NOP53: variants seen among roughly 807,000 people sequenced by gnomAD.
NOP53 encodes ribosome biogenesis protein NOP53.
Under a neutral mutation model 61.0 loss-of-function variants are expected in NOP53, and 40 were observed. That is an observed-to-expected ratio of 0.66 (90% CI 0.51 to 0.85). The LOEUF (loss-of-function observed/expected upper bound fraction) is 0.85. NOP53 is among the 40% of genes least tolerant of loss of function. The pLI, the probability that NOP53 is intolerant of heterozygous loss-of-function variation, is 0.00. For synonymous variants in NOP53, 308 were observed against 289.5 expected, an observed-to-expected ratio of 1.06 and a Z score of -0.65; for missense variants, 689 against 652.9, an observed-to-expected ratio of 1.06 and a Z score of -0.60.
intron 9 of NOP53, 62 bp downstream of exon 9, chr19:47,755,585 C>T (rs1967185289): frequency 7.0e-7 from 1 of 1,432,972 alleles, no homozygotes; most frequent in Non-Finnish European, 9.3e-7. Flanking sequence ...CAGGTCCTGA[C>T]ACCTTCCTGC....
chr19:47,751,475 T>G, intron 4 of NOP53, 45 bp from the exon 5 acceptor site: 1 of 1,494,694 alleles, frequency 6.7e-7, no homozygotes. Flanking sequence ...TGGTGCCTCT[T>G]CCATGCTGGG....
At chr19:47,756,809 T>A (rs1967207159) in intron 12 of NOP53, 65 bp downstream of exon 12, 3 of 1,566,044 alleles carry the variant, frequency 1.9e-6, no homozygotes, top group Non-Finnish European at 2.6e-6. Flanking sequence ...GCCCACCGAG[T>A]CCCAGGGCCC....
intron 2 of NOP53, among the ~76,000 whole-genome samples, chr19:47,747,368 G>A (rs1003101745): frequency 1.3e-5 from 2 of 152,160 alleles, no homozygotes; most frequent in South Asian, 2.1e-4. Context: ...CCTGCCGGTT[G>A]CGGTGAGTCA....
In NOP53 at chr19:47,745,667, G is replaced by A. The variant is rs3181870; in HGVS notation, c.108G>A (p.Arg36=). 0.024 allele frequency: 38,261 copies of A among 1,613,502 alleles called. 651 individuals are homozygous for A. The highest frequency in any genetic ancestry group is 0.025 in the Non-Finnish European group (29,493 of 1,179,748). Residue 36 remains arginine (R), a synonymous_variant, in exon 1 of 13, where the codon CGG becomes CGA. Transcript: ENST00000246802. ...CTTCGGTGGACCCAGCGCTGAGGCG[G>A]CGGCGGCGAGGCCCAAGAAATAAGA... ...RPTSVDPALR[R]RRRGPRNKKR...
chr19:47,755,133 G>T (rs1045134400), intron 8 of NOP53, among the ~76,000 whole-genome samples: 6 of 152,120 alleles, frequency 3.9e-5, no homozygotes, highest in African/African-American at 1.2e-4. Flanking sequence ...GGGGTGGGGG[G>T]AGGTTTCTGC....
rs771284064 is a variant in NOP53, at chr19:47,754,821, C to G, written c.983C>G (p.Pro328Arg). The change falls in exon 8 of 13, where the codon CCC becomes CGC. Residue 328 changes from proline to arginine, a missense_variant. By Grantham distance (103) the Pro-to-Arg change is moderately radical (BLOSUM62 -2). Coordinates refer to ENST00000246802, the MANE Select transcript of NOP53 (RefSeq NM_015710.5). This position sits in a 1 kb window ranked among gnomAD's most constrained non-coding sequence, Gnocchi z 4.2. ...GGGGATGCCGAGGTCTGTCCCACGC[C>G]CGCCCGCCTGGCCACCACAGAGAAG... ...EAGDAEVCPT[P>R]ARLATTEKKT... The G allele has an allele frequency of 9.1e-6, 14 of 1,536,016 alleles. No individual in the cohort carries two copies. The highest frequency in any genetic ancestry group is 9.6e-6 in the Non-Finnish European group (11 of 1,147,664).
At chr19:47,750,832 C>G in intron 3 of NOP53, 76 bp from the exon 4 acceptor site, 1 of 1,280,476 alleles carries the variant, frequency 7.8e-7, no homozygotes, top group Non-Finnish European at 1.1e-6. Context: ...TGGAGGAAGC[C>G]CGACGGGGAG....
intron 1 of NOP53, chr19:47,746,015 A>C (rs1967058699): frequency 2.0e-6 from 1 of 496,870 alleles, no homozygotes; most frequent in African/African-American, 2.0e-5. Context: ...ACGCTCAATT[A>C]AATTTGGATT....
rs138912246 is a variant in NOP53, at chr19:47,748,523, C to T, written c.289+1492C>T. Among the ~76,000 whole-genome samples the T allele has an allele frequency of 1.8e-4, 28 of 152,142 alleles. No homozygotes were observed. The East Asian group carries it at 2.5e-3, about 14-fold the overall frequency. ...AAGGGTATGTTTTAATGAAAATGAG[C>T]GGACCTGGTTCAGTGACCAGATAGA... On this transcript the variant is annotated intron_variant, in intron 2 of 12. Transcript: ENST00000246802.
intron 5 of NOP53, among the ~76,000 whole-genome samples, chr19:47,751,991 C>T (rs1967130146): frequency 6.6e-6 from 1 of 151,978 alleles, no homozygotes; most frequent in Non-Finnish European, 1.5e-5. Context: ...CCTGTAGTCC[C>T]AGCTATTAGG....
chr19:47,747,369 C>T (rs763862419), intron 2 of NOP53, among the ~76,000 whole-genome samples: 11 of 152,096 alleles, frequency 7.2e-5, no homozygotes, highest in Admixed American at 1.3e-4. Context: ...CTGCCGGTTG[C>T]GGTGAGTCAC....
At chr19:47,752,094 C>T (rs999146690) in intron 5 of NOP53, among the ~76,000 whole-genome samples, 5 of 150,530 alleles carry the variant, frequency 3.3e-5, no homozygotes, top group Admixed American at 6.6e-5. Flanking sequence ...GCAACAAGAG[C>T]GAAACTCTGT....
intron 2 of NOP53, 79 bp downstream of exon 2, chr19:47,747,110 A>C (rs1967074530): frequency 1.7e-6 from 2 of 1,155,468 alleles, no homozygotes; most frequent in Admixed American, 2.0e-5. Context: ...GATCTGTGTT[A>C]ATGATGTGGC....
chr19:47,750,516 C>T (rs1182643073), intron 3 of NOP53, among the ~76,000 whole-genome samples: 1 of 151,876 alleles, frequency 6.6e-6, no homozygotes, highest in Admixed American at 6.6e-5. Context: ...AGAGGAGGGG[C>T]TGAGTGGGAG....
chr19:47,752,654 T>C (rs1190110819), intron 6 of NOP53, 47 bp downstream of exon 6: 1 of 1,158,738 alleles, frequency 8.6e-7, no homozygotes, highest in African/African-American at 1.5e-5. Context: ...CTCTGCCTCT[T>C]GGTCAGGCCT....
rs762743448 is a variant in NOP53, at chr19:47,745,787, C to T, written c.224+4C>T. On this transcript the variant is annotated splice_donor_region_variant and intron_variant, in intron 1 of 12. Transcript: ENST00000246802. ...GGCTACAGGAGCGCACGAGCGGGTA[C>T]GTTGGGCGGGACTTCCGGGAGGTGG... The T allele has an allele frequency of 6.6e-7, 1 of 1,525,544 alleles. No homozygotes were observed. The highest frequency in any genetic ancestry group is 1.2e-5 in the South Asian group (1 of 80,242). 94.5% of individuals were successfully genotyped at this position (1,525,544 alleles called of 1,614,324 possible).
At chr19:47,750,348 C>T (rs898300012) in intron 3 of NOP53, 62 bp downstream of exon 3, 17 of 1,036,052 alleles carry the variant, frequency 1.6e-5, no homozygotes, top group African/African-American at 7.9e-5. Flanking sequence ...AAAGGGTTTC[C>T]GGGGCTGGGG....
At chr19:47,756,864 G>T in intron 12 of NOP53, 120 bp downstream of exon 12, 1 of 1,504,342 alleles carries the variant, frequency 6.6e-7, no homozygotes, top group Non-Finnish European at 9.3e-7. Context: ...CCTTGGCCAT[G>T]CCCAGAAGAG....
At position 47,756,498 on chromosome 19, in the gene NOP53, C is replaced by T. The variant is rs1328159467; in HGVS notation, c.1297-30C>T. 4 of 1,595,840 alleles carry T rather than the reference C, an allele frequency of 2.5e-6. No individual in the cohort carries two copies. The Admixed American group carries it at 6.7e-5, about 27-fold the overall frequency. On this transcript the variant is annotated intron_variant, in intron 10 of 12. Coordinates refer to ENST00000246802, the MANE Select transcript of NOP53 (RefSeq NM_015710.5). ...CCAGGCCCTTGGGCTTCTGCCAGGC[C>T]CTGCTGAGGCCTCCCTCTCTGTCCT...
Sources: allele counts gnomAD v4.1 joint callset (sites outside exome capture counted in the v4.1 genomes callset), GRCh38; gene constraint gnomAD v4.1.1; non-coding constraint Gnocchi (gnomAD v3.1); transcripts MANE v1.5; gene names NCBI Gene and HGNC (gene_info 2026-07-23, HGNC 2026-07-21).